The following ATP6V0A2 variants were observed in gnomAD, a reference collection of about 807,000 sequenced individuals.
The protein encoded by ATP6V0A2 is ATPase H+ transporting V0 subunit a2.
In ATP6V0A2, 58 loss-of-function variants were observed where a neutral mutation model predicts 104.4. The ratio of observed to expected loss-of-function variants is 0.56; its 90% CI spans 0.45 to 0.69. ATP6V0A2 has a LOEUF of 0.69. ATP6V0A2 is among the 30% of genes least tolerant of loss of function. The pLI, the probability that ATP6V0A2 is intolerant of heterozygous loss-of-function variation, is 0.00. For missense variants in ATP6V0A2, 938 were observed against 1,062.9 expected, an observed-to-expected ratio of 0.88 and a Z score of 1.63; for synonymous variants, 376 against 397.9, an observed-to-expected ratio of 0.95 and a Z score of 0.65.
chr12:123,730,658 G>A (rs941956122), intron 6 of ATP6V0A2: 11 of 152,118 alleles, frequency 7.2e-5, no homozygotes, highest in African/African-American at 2.4e-4. Flanking sequence ...AAACTGTTCT[G>A]AAGTAGCATT....
chr12:123,737,397 T>C lies in ATP6V0A2; in HGVS notation c.1038+126T>C, dbSNP rs780350553. 7 of 952,540 alleles carry C rather than the reference T, an allele frequency of 7.3e-6. No individual in the cohort carries two copies. In the South Asian group the frequency reaches 9.9e-5, roughly 14 times the overall value. 59.0% of individuals were successfully genotyped at this position (952,540 alleles called of 1,614,324 possible). On this transcript the variant is annotated intron_variant, in intron 9 of 19. Coordinates refer to ENST00000330342, the MANE Select transcript of ATP6V0A2 (RefSeq NM_012463.4). ...GAATGCAGTGTGTTGACTCTTCTTT[T>C]GTTTTTTTAAAATATTAATTAACAA...
intron 8 of ATP6V0A2, among the ~76,000 whole-genome samples, 185 bp downstream of exon 8, chr12:123,735,809 C>T (rs562373169): frequency 6.6e-6 from 1 of 152,264 alleles, no homozygotes; most frequent in South Asian, 2.1e-4. Context: ...TTGTTAGGAA[C>T]CTGAGTAGTA....
chr12:123,758,269 C>A lies in ATP6V0A2; in HGVS notation c.*237C>A. ...TATGATGAGCAAATATAAGTTAATG[C>A]CAAACGTTATGTTAAAGTTATTTTT... On this transcript the variant is annotated 3_prime_UTR_variant, in exon 20 of 20. Transcript: ENST00000330342. 2 of 389,404 alleles carry A rather than the reference C, an allele frequency of 5.1e-6. No individual in the cohort carries two copies. The highest frequency in any genetic ancestry group is 9.2e-6 in the Non-Finnish European group (2 of 218,484). The allele number at this position is 389,404 out of a possible 1,614,324, so 24.1% of individuals were successfully genotyped here.
At chr12:123,747,109 G>C (rs1956670227) in intron 13 of ATP6V0A2, among the ~76,000 whole-genome samples, 1 of 152,158 alleles carries the variant, frequency 6.6e-6, no homozygotes, top group East Asian at 1.9e-4. Context: ...GTCCCTCTTG[G>C]CACATCTTGG....
At chr12:123,736,756 T>C (rs563327540) in intron 8 of ATP6V0A2, among the ~76,000 whole-genome samples, 51 of 152,144 alleles carry the variant, frequency 3.4e-4, no homozygotes, top group Admixed American at 2.4e-3. Context: ...TGGTAGGCCA[T>C]CACGCTGCCG....
At chr12:123,750,922 C>A in intron 15 of ATP6V0A2, 188 bp from the exon 16 acceptor site, 1 of 675,710 alleles carries the variant, frequency 1.5e-6, no homozygotes, top group Admixed American at 2.5e-5. Context: ...TAATGTTATT[C>A]ATCAGTTCTA....
At chr12:123,748,477 G>A in intron 14 of ATP6V0A2, 98 bp from the exon 15 acceptor site, 1 of 898,686 alleles carries the variant, frequency 1.1e-6, no homozygotes, top group East Asian at 2.4e-5. Flanking sequence ...ATGTTATTCT[G>A]AAATTCGCTT....
intron 1 of ATP6V0A2, among the ~76,000 whole-genome samples, chr12:123,714,684 A>C (rs1956323186): frequency 1.3e-5 from 2 of 152,176 alleles, no homozygotes; most frequent in African/African-American, 2.4e-5. Context: ...CTTGAATTGA[A>C]TCTACATTAA....
chr12:123,741,910 T>C (rs1023734451), intron 9 of ATP6V0A2, among the ~76,000 whole-genome samples: 1 of 152,228 alleles, frequency 6.6e-6, no homozygotes, highest in Non-Finnish European at 1.5e-5. Context: ...TGATGGTTTT[T>C]TCTTTTTTTT....
At position 123,744,211 on chromosome 12, in the gene ATP6V0A2, C is replaced by T. The variant is rs1956637159; in HGVS notation, c.1200C>T (p.Thr400=). The T allele has an allele frequency of 6.2e-7, 1 of 1,614,134 alleles. No individual in the cohort carries two copies. ...CCCTTTTTTCTGCAGCTCTCTTTAC[C>T]ATCATCACCTTCCCGTTTTTATTTG... ...SYREVNPALF[T]IITFPFLFAV... is the part of the protein sequence containing the mutation. Residue 400 remains threonine (T), a synonymous_variant, in exon 11 of 20, where the codon ACC becomes ACT. Transcript: ENST00000330342. The surrounding 1 kb of genome is among the most constrained non-coding windows in gnomAD (Gnocchi z 5.4).
In ATP6V0A2 at chr12:123,727,849, C is replaced by G. The variant is rs940128206; in HGVS notation, c.588C>G (p.Cys196Trp). Residue 196 changes from cysteine (C) to tryptophan (W), a missense_variant, in exon 6 of 20, where the codon TGC becomes TGG. By Grantham distance (215) the Cys-to-Trp change is radical (BLOSUM62 -2). Coordinates refer to ENST00000330342, the MANE Select transcript of ATP6V0A2 (RefSeq NM_012463.4). ...TTGAAAAAATGTTGTGGAGAGTCTG[C>G]AAAGGGTACACCATCGTGTCCTATG... ...EAFEKMLWRV[C>W]KGYTIVSYAE... is the part of the protein sequence containing the mutation. The G allele has an allele frequency of 3.7e-6, 6 of 1,614,056 alleles. No individual in the cohort carries two copies. The African/African-American group carries it at 8.0e-5, about 22-fold the overall frequency.
chr12:123,734,413 G>A (rs1956531249), intron 7 of ATP6V0A2, among the ~76,000 whole-genome samples: 1 of 152,136 alleles, frequency 6.6e-6, no homozygotes, highest in Non-Finnish European at 1.5e-5. Context: ...TGAGGAGGAG[G>A]CGCTCAGGGG....
At position 123,751,103 on chromosome 12, in the gene ATP6V0A2, C is replaced by T. The variant is rs370135665; in HGVS notation, c.1936-7C>T. 4.6e-5 allele frequency: 75 copies of T among 1,614,162 alleles called. No individual in the cohort carries two copies. The African/African-American group carries it at 9.1e-4, about 19-fold the overall frequency. ...TTAATCGGGTTTCTCACCTTCTGCACTAACAGGAGTATGTCCAGAGAGTGC... is the reference window on the plus strand; with the variant it reads ...TTAATCGGGTTTCTCACCTTCTGCATTAACAGGAGTATGTCCAGAGAGTGC... On this transcript the variant is annotated splice_region_variant and splice_polypyrimidine_tract_variant and intron_variant, in intron 15 of 19. Transcript: ENST00000330342.
intron 9 of ATP6V0A2, among the ~76,000 whole-genome samples, chr12:123,738,394 CAAA>C (rs1054215012): frequency 3.9e-5 from 5 of 127,194 alleles, no homozygotes; most frequent in African/African-American, 2.9e-5. Context: ...AACTTTGTCT[CAAA>C]AAAAAAAAAA....
rs1593923574 is a variant in ATP6V0A2, at chr12:123,756,889, C to G, written c.2368C>G (p.Leu790Val). 6.2e-7 allele frequency: 1 copy of G among 1,614,242 alleles called. No homozygotes were observed. The highest frequency in any genetic ancestry group is 8.5e-7 in the Non-Finnish European group (1 of 1,180,036). Residue 790 changes from leucine (L) to valine (V), a missense_variant, in exon 19 of 20, where the codon CTG becomes GTG. Leu to Val is a conservative substitution (Grantham distance 32, BLOSUM62 1). Coordinates refer to ENST00000330342, the MANE Select transcript of ATP6V0A2 (RefSeq NM_012463.4). ...RVDTTYGVLLLLPVIALFAVL... is the reference protein window; with the variant it reads ...RVDTTYGVLLVLPVIALFAVL... ...TGACACCACCTATGGCGTCTTGCTACTGCTCCCGGTTATCGCGCTCTTTGC... is the reference window on the plus strand; with the variant it reads ...TGACACCACCTATGGCGTCTTGCTAGTGCTCCCGGTTATCGCGCTCTTTGC...
rs375845531 is a variant in ATP6V0A2, at chr12:123,747,736, A to AT, written c.1724+20dup. ...AATATTTAACCACTTGTAAGTACAG[A>AT]TTTTTTTTTAAGCAATATTTATAAA... On this transcript the variant is annotated intron_variant, in intron 14 of 19. Coordinates refer to ENST00000330342, the MANE Select transcript of ATP6V0A2 (RefSeq NM_012463.4). The AT allele has an allele frequency of 3.0e-4, 455 of 1,521,258 alleles. No individual in the cohort carries two copies. Among genetic ancestry groups the AT allele is most frequent in the Non-Finnish European group, 3.8e-4 (416 of 1,097,856 alleles). The allele number at this position is 1,521,258 out of a possible 1,614,324, so 94.2% of individuals were successfully genotyped here.
At chr12:123,721,650 G>A (rs1018025573) in intron 2 of ATP6V0A2, 9 of 208,528 alleles carry the variant, frequency 4.3e-5, no homozygotes, top group Non-Finnish European at 5.1e-5. Flanking sequence ...TTCTAGGGCT[G>A]CCCTGACACT....
intron 9 of ATP6V0A2, among the ~76,000 whole-genome samples, chr12:123,738,138 C>A (rs753877876): frequency 4.6e-5 from 7 of 152,192 alleles, no homozygotes; most frequent in Non-Finnish European, 1.0e-4. Flanking sequence ...GGCACGGTGG[C>A]TCACGCCTGT....
chr12:123,758,647 A>T lies in ATP6V0A2; in HGVS notation c.*615A>T, dbSNP rs960521402. 1.3e-5 allele frequency: 2 copies of T among 151,586 alleles called. No individual in the cohort carries two copies. The highest frequency in any genetic ancestry group is 4.9e-5 in the African/African-American group (2 of 41,134). The allele number at this position is 151,586 out of a possible 1,614,324, so 9.4% of individuals were successfully genotyped here. A position where few individuals can be genotyped will look rare whatever the true frequency, so the allele number is the denominator to read the frequency against. On this transcript the variant is annotated 3_prime_UTR_variant, in exon 20 of 20. Transcript: ENST00000330342. ...GTGATTCTCCTGTCTCAGCCTCCCG[A>T]GTAACTGGGATTACAGGCATGCGCC...
Sources: allele counts gnomAD v4.1 joint callset (sites outside exome capture counted in the v4.1 genomes callset), GRCh38; gene constraint gnomAD v4.1.1; non-coding constraint Gnocchi (gnomAD v3.1); transcripts MANE v1.5; gene names NCBI Gene and HGNC (gene_info 2026-07-23, HGNC 2026-07-21).